COL4A4: variants seen among roughly 807,000 people sequenced by gnomAD.
COL4A4 encodes the protein collagen type IV alpha 4 chain, also known as collagen alpha-4(IV) chain.
A neutral mutation model predicts 192.9 loss-of-function variants in COL4A4; 105 were observed. That is an observed-to-expected ratio of 0.54 (90% CI 0.46 to 0.64). COL4A4 has a LOEUF of 0.64. Ranked by LOEUF, COL4A4 falls within the 30% of genes least tolerant of loss-of-function variation. The pLI, the probability that COL4A4 is intolerant of heterozygous loss-of-function variation, is 0.00. For synonymous variants in COL4A4, 762 were observed against 769.9 expected (o/e 0.99, Z 0.17); for missense variants, 1,967 against 2,169.3 (o/e 0.91, Z 1.85).
At chr2:227,101,731 C>G in intron 16 of COL4A4, 134 bp downstream of exon 16, 1 of 1,048,246 alleles carries the variant, frequency 9.5e-7, no homozygotes, top group East Asian at 2.6e-5. Context: ...ACAGCTAAAT[C>G]CTGCAATCCA....
In COL4A4 at chr2:227,101,848, T is replaced by C. The variant is rs767294163; in HGVS notation, c.975+17A>G. 55 of 1,550,884 alleles carry C rather than the reference T, an allele frequency of 3.5e-5. No individual in the cohort carries two copies. The highest frequency in any genetic ancestry group is 4.7e-5 in the Non-Finnish European group (53 of 1,131,916). On this transcript the variant is annotated intron_variant, in intron 16 of 47. Coordinates refer to ENST00000396625, the MANE Select transcript of COL4A4 (RefSeq NM_000092.5). ...TAATGAAATGTATTTATTATCTCTATAATGAGGTACATTTACCTTTAATCC... is the reference window on the plus strand; with the variant it reads ...TAATGAAATGTATTTATTATCTCTACAATGAGGTACATTTACCTTTAATCC...
chr2:227,065,574 G>A (rs556779826), intron 25 of COL4A4, among the ~76,000 whole-genome samples: 1 of 152,320 alleles, frequency 6.6e-6, no homozygotes, highest in Non-Finnish European at 1.5e-5. Flanking sequence ...CCTGACCCCT[G>A]ACCCCCGAGC....
intron 12 of COL4A4, among the ~76,000 whole-genome samples, chr2:227,104,414 C>CA (rs60259710): frequency 0.045 from 4,335 of 96,850 alleles, 377 homozygotes; most frequent in African/African-American, 0.16. Context: ...ACTAAAAATA[C>CA]AAAAAAAAAA....
At chr2:227,085,520 G>A (rs1363928127) in intron 22 of COL4A4, among the ~76,000 whole-genome samples, 1 of 152,184 alleles carries the variant, frequency 6.6e-6, no homozygotes, top group Admixed American at 6.5e-5. Context: ...TCATGGTTCT[G>A]CAGACTGTAC....
At chr2:227,056,421 A>G (rs1412757825) in intron 29 of COL4A4, among the ~76,000 whole-genome samples, 2 of 152,244 alleles carry the variant, frequency 1.3e-5, no homozygotes, top group Non-Finnish European at 2.9e-5. Flanking sequence ...GTGGAGGGAA[A>G]CTAATAGAAG....
At chr2:226,971,523 C>G in the COL4A4 span, among the ~76,000 whole-genome samples, 69,014 of 152,040 alleles carry the variant, frequency 0.45, 15,887 homozygotes, top group South Asian at 0.56. Flanking sequence ...AGACTACCAG[C>G]TTATTTGACT....
At chr2:227,140,293 CAT>C in intron 3 of COL4A4, 55 bp from the exon 4 acceptor site, 1 of 1,400,660 alleles carries the variant, frequency 7.1e-7, no homozygotes, top group South Asian at 1.2e-5. Flanking sequence ...TAACTACGTG[CAT>C]AACACATACA....
chr2:227,058,966 G>C (rs974597391), intron 28 of COL4A4, among the ~76,000 whole-genome samples: 25 of 152,108 alleles, frequency 1.6e-4, no homozygotes, highest in African/African-American at 5.6e-4. Context: ...CTTGTGCGAA[G>C]ACAGCTTGTC....
chr2:227,073,578 A>C (rs1025891844), intron 25 of COL4A4, among the ~76,000 whole-genome samples: 1 of 152,034 alleles, frequency 6.6e-6, no homozygotes, highest in Non-Finnish European at 1.5e-5. Context: ...AAAGAGCCTG[A>C]ATAGACAAAG....
intron 37 of COL4A4, 70 bp from the exon 38 acceptor site, chr2:227,033,551 A>T (rs1424726676): frequency 2.2e-6 from 3 of 1,376,548 alleles, no homozygotes; most frequent in South Asian, 2.3e-5. Context: ...CCACAAACGC[A>T]GGCACTGCCC....
At chr2:227,021,618 G>A (rs1345068375) in intron 44 of COL4A4, among the ~76,000 whole-genome samples, 3 of 152,140 alleles carry the variant, frequency 2.0e-5, no homozygotes, top group African/African-American at 7.2e-5. Flanking sequence ...GAGGTCAGGA[G>A]ATGGAGACCA....
chr2:227,058,425 T>A (rs1191719538), intron 28 of COL4A4, among the ~76,000 whole-genome samples: 2 of 152,244 alleles, frequency 1.3e-5, no homozygotes, highest in African/African-American at 4.8e-5. Flanking sequence ...TGGGTCATTA[T>A]TTTTATTGAC....
chr2:227,049,471 A>C (rs1442840753), intron 34 of COL4A4, among the ~76,000 whole-genome samples: 2 of 152,246 alleles, frequency 1.3e-5, no homozygotes, highest in Non-Finnish European at 2.9e-5. Flanking sequence ...TGTGACTGAG[A>C]CCATATGGCC....
In COL4A4 at chr2:227,031,962, C is replaced by G; in HGVS notation, c.3800G>C (p.Gly1267Ala). Residue 1267 changes from glycine (G) to alanine (A), a missense_variant, in exon 40 of 48, where the codon GGT (glycine) becomes GCT (alanine). Transcript: ENST00000396625. ...PGPPGDQGPP[G>A]PDGPRGAPGP... ...TCTCATACCTCTTGGGCCATCAGGA[C>G]CAGGAGGTCCCTGATCTCCAGGTGG... is the stretch of plus-strand genomic sequence containing the variant. 6.2e-7 allele frequency: 1 copy of G among 1,612,898 alleles called. No individual in the cohort carries two copies. Among genetic ancestry groups the G allele is most frequent in the Non-Finnish European group, 8.5e-7 (1 of 1,178,912 alleles).
intron 37 of COL4A4, among the ~76,000 whole-genome samples, chr2:227,034,547 TTTTTTTAATTAA>T (rs1969152939): frequency 1.3e-5 from 2 of 151,464 alleles, no homozygotes; most frequent in Non-Finnish European, 2.9e-5. Flanking sequence ...TGTTCTTTTT[TTTTTTTAATTAA>T]TTAATTAATT....
At position 227,062,006 on chromosome 2, in the gene COL4A4, G is replaced by A. The variant is rs562421718; in HGVS notation, c.2056+524C>T. Among the ~76,000 whole-genome samples the A allele has an allele frequency of 7.2e-5, 11 of 152,254 alleles. No individual in the cohort carries two copies. In the East Asian group the frequency reaches 7.7e-4, roughly 11 times the overall value. On this transcript the variant is annotated intron_variant, in intron 26 of 47. Transcript: ENST00000396625. ...TGTAATCCCAGCACTTTGGGAGGCC[G>A]AGGTGGGCGGATCACAAGGTCAGGA...
the COL4A4 span, chr2:226,969,090 C>T: frequency 4.9e-6 from 1 of 203,306 alleles, no homozygotes; most frequent in Non-Finnish European, 1.0e-5. Context: ...ATGGGCTCCA[C>T]CAACCAGAAG....
chr2:227,077,891 T>C lies in COL4A4; in HGVS notation c.1987+3A>G. 6.2e-7 allele frequency: 1 copy of C among 1,611,672 alleles called. No individual in the cohort carries two copies. Among genetic ancestry groups the C allele is most frequent in the Non-Finnish European group, 8.5e-7 (1 of 1,179,624 alleles). On this transcript the variant is annotated splice_donor_region_variant and intron_variant, in intron 25 of 47. Coordinates refer to ENST00000396625, the MANE Select transcript of COL4A4 (RefSeq NM_000092.5). Reference sequence around the variant, plus strand: ...GAAATAAATAAAATTTTTTTAAAATTACCTTTCTGACCCTTCAAGCCATCA... The same window carrying C: ...GAAATAAATAAAATTTTTTTAAAATCACCTTTCTGACCCTTCAAGCCATCA...
chr2:227,133,555 G>A (rs982811002), intron 4 of COL4A4, among the ~76,000 whole-genome samples: 2 of 152,098 alleles, frequency 1.3e-5, no homozygotes, highest in Non-Finnish European at 2.9e-5. Flanking sequence ...GATAGGCAGG[G>A]ATCCTTCCTT....
Sources: gnomAD v4.1 joint callset for allele counts (sites outside exome capture counted in the v4.1 genomes callset) on GRCh38, gnomAD v4.1.1 for gene constraint, MANE v1.5 for transcripts, NCBI Gene and HGNC (gene_info 2026-07-23, HGNC 2026-07-21) for gene names.